ABCC1: variants seen among roughly 807,000 people sequenced by gnomAD.
The protein encoded by ABCC1 is multidrug resistance-associated protein 1.
Under a neutral mutation model 172.9 loss-of-function variants are expected in ABCC1, and 83 were observed. The observed-to-expected ratio is 0.48, with a 90% CI of 0.40 to 0.58. ABCC1 has a LOEUF of 0.58. Ranked by LOEUF, ABCC1 falls within the 20% of genes least tolerant of loss-of-function variation. The probability of loss-of-function intolerance (pLI) is 0.00; values close to 1 mark genes in which losing one functional copy is unlikely to be tolerated. For missense variants in ABCC1, 1,817 were observed against 2,002.7 expected, an observed-to-expected ratio of 0.91 and a Z score of 1.77; for synonymous variants, 937 against 825.2, an observed-to-expected ratio of 1.14 and a Z score of -2.32.
chr16:16,020,793 T>C (rs1380346545), intron 5 of ABCC1, among the ~76,000 whole-genome samples: 1 of 152,238 alleles, frequency 6.6e-6, no homozygotes, highest in Admixed American at 6.5e-5. Flanking sequence ...AGCACTATGC[T>C]AAGTTCTTTA....
At chr16:15,994,142 C>G (rs962958303) in intron 1 of ABCC1, among the ~76,000 whole-genome samples, 3 of 152,110 alleles carry the variant, frequency 2.0e-5, no homozygotes, top group Non-Finnish European at 4.4e-5. Context: ...ATTGCTGGAG[C>G]CCAGGAGATC....
chr16:16,084,369 C>CTT (rs1315644780), intron 17 of ABCC1, among the ~76,000 whole-genome samples: 5 of 128,694 alleles, frequency 3.9e-5, no homozygotes, highest in African/African-American at 2.9e-5. Context: ...TCTCAAAGTT[C>CTT]TTTTTTTTTT....
chr16:16,091,925 G>A (rs1198524871), intron 19 of ABCC1, among the ~76,000 whole-genome samples: 1 of 152,140 alleles, frequency 6.6e-6, no homozygotes, highest in Non-Finnish European at 1.5e-5. Flanking sequence ...TCTCTAATAA[G>A]TGCTTTCTTG....
At chr16:16,119,837 G>A (rs1325560034) in intron 23 of ABCC1, among the ~76,000 whole-genome samples, 2 of 152,106 alleles carry the variant, frequency 1.3e-5, no homozygotes, top group Non-Finnish European at 2.9e-5. Flanking sequence ...CAGAAAGCAA[G>A]CTGGTAAGAG....
rs536973476 is a variant in ABCC1 at position 16,013,918 on chromosome 16, A to G, written c.352-573A>G. On this transcript the variant is annotated intron_variant, in intron 3 of 30. Transcript: ENST00000399410. ...AGCAGAGATGGCCGAGGCAGAGAGC[A>G]GGGGCGATGGGGCAGAGGCTGACCC... Among the ~76,000 whole-genome samples, 4 of 152,276 alleles carry G rather than the reference A, an allele frequency of 2.6e-5. No homozygotes were observed. The South Asian group carries it at 8.3e-4, about 32-fold the overall frequency.
At chr16:16,041,112 T>G (rs973673799) in intron 7 of ABCC1, among the ~76,000 whole-genome samples, 2 of 148,196 alleles carry the variant, frequency 1.3e-5, no homozygotes, top group Non-Finnish European at 3.0e-5. Context: ...TTTTTTTTTT[T>G]GTAGAGATGA....
intron 12 of ABCC1, among the ~76,000 whole-genome samples, chr16:16,067,659 C>T (rs997472881): frequency 6.6e-6 from 1 of 152,142 alleles, no homozygotes; most frequent in Non-Finnish European, 1.5e-5. Context: ...GCTGTATGAC[C>T]TTCCAGGAAG....
In ABCC1 at chr16:16,086,729, A is replaced by G. The variant is rs891095632; in HGVS notation, c.2293-95A>G. On this transcript the variant is annotated intron_variant, in intron 17 of 30. Coordinates refer to ENST00000399410, the MANE Select transcript of ABCC1 (RefSeq NM_004996.4). ...AGCAGTCCTTCCACCTTGGCCTCCC[A>G]AAGTTCTGGGATCACACCACACTCG... 14 of 1,468,074 alleles carry G rather than the reference A, an allele frequency of 9.5e-6. No individual in the cohort carries two copies. The Admixed American group carries it at 1.1e-4, about 11-fold the overall frequency. 90.9% of individuals were successfully genotyped at this position (1,468,074 alleles called of 1,614,324 possible). A position where few individuals can be genotyped will look rare whatever the true frequency, so the allele number is the denominator to read the frequency against.
At chr16:15,958,192 G>C (rs1361562906) in intron 1 of ABCC1, among the ~76,000 whole-genome samples, 3 of 152,166 alleles carry the variant, frequency 2.0e-5, no homozygotes, top group African/African-American at 4.8e-5. Flanking sequence ...TGCAACCTCT[G>C]CCTCCCGGGT....
At chr16:15,971,231 C>G (rs998615951) in intron 1 of ABCC1, among the ~76,000 whole-genome samples, 1 of 152,088 alleles carries the variant, frequency 6.6e-6, no homozygotes, top group Non-Finnish European at 1.5e-5. Flanking sequence ...TTTCACGTAG[C>G]GCATGAAAAA....
chr16:16,021,615 G>A (rs556645297), intron 5 of ABCC1, among the ~76,000 whole-genome samples: 2 of 152,336 alleles, frequency 1.3e-5, no homozygotes, highest in East Asian at 3.9e-4. Flanking sequence ...TATTTAGGAG[G>A]CAGAGGCAGG....
At chr16:16,117,555 C>T (rs1237919815) in intron 23 of ABCC1, among the ~76,000 whole-genome samples, 1 of 152,190 alleles carries the variant, frequency 6.6e-6, no homozygotes, top group Non-Finnish European at 1.5e-5. Context: ...CCTCTATTCA[C>T]AAGGGACCCT....
intron 1 of ABCC1, among the ~76,000 whole-genome samples, chr16:15,951,373 G>C (rs2045868412): frequency 6.6e-6 from 1 of 152,116 alleles, no homozygotes; most frequent in Admixed American, 6.5e-5. Context: ...CATTCACGAA[G>C]TCCAGTTGTA....
At chr16:16,134,566 C>T (rs1015131106) in intron 28 of ABCC1, 58 bp downstream of exon 28, 12 of 1,585,306 alleles carry the variant, frequency 7.6e-6, no homozygotes, top group South Asian at 3.3e-5. Flanking sequence ...TATGATTGCA[C>T]TGACAGTGGT....
At chr16:16,082,830 T>A (rs1567383432) in intron 16 of ABCC1, among the ~76,000 whole-genome samples, 1 of 152,204 alleles carries the variant, frequency 6.6e-6, no homozygotes, top group Non-Finnish European at 1.5e-5. Context: ...CTATTTTTTT[T>A]AGAGATGGGA....
intron 28 of ABCC1, 36 bp downstream of exon 28, chr16:16,134,544 G>A: frequency 6.2e-7 from 1 of 1,611,414 alleles, no homozygotes; most frequent in Non-Finnish European, 8.5e-7. Context: ...GTGAGCCAGA[G>A]CTGGCAAGCC....
chr16:16,071,808 T>G, intron 14 of ABCC1, 79 bp downstream of exon 14: 1 of 1,306,954 alleles, frequency 7.7e-7, no homozygotes, highest in Non-Finnish European at 1.1e-6. Context: ...TTGCATTTCT[T>G]TCCCTTGGCT....
At chr16:16,078,267 G>A (rs766862799) in intron 15 of ABCC1, among the ~76,000 whole-genome samples, 1 of 152,160 alleles carries the variant, frequency 6.6e-6, no homozygotes, top group African/African-American at 2.4e-5. Flanking sequence ...CCCTTCCCTG[G>A]GAGGATGGAA....
intron 19 of ABCC1, among the ~76,000 whole-genome samples, chr16:16,100,914 C>G (rs2051710991): frequency 1.3e-5 from 2 of 152,206 alleles, no homozygotes; most frequent in Admixed American, 6.5e-5. Context: ...TCCTGGAGCT[C>G]TAATCGAGAC....
Sources: gnomAD v4.1 joint callset for allele counts (sites outside exome capture counted in the v4.1 genomes callset) on GRCh38, gnomAD v4.1.1 for gene constraint, MANE v1.5 for transcripts, NCBI Gene and HGNC (gene_info 2026-07-23, HGNC 2026-07-21) for gene names.